Variants in ZMIZ1 observed in about 807,000 individuals in gnomAD.
ZMIZ1 encodes zinc finger MIZ domain-containing protein 1.
Under a neutral mutation model 113.9 loss-of-function variants are expected in ZMIZ1, and 17 were observed. The observed-to-expected ratio is 0.15, with a 90% CI of 0.10 to 0.22. The LOEUF is 0.22. ZMIZ1 is among the 10% of genes least tolerant of loss of function. ZMIZ1 has a pLI of 1.00. For missense variants in ZMIZ1, 1,059 were observed against 1,477.8 expected (o/e 0.72, Z 4.65); for synonymous variants, 607 against 603.1 (o/e 1.01, Z -0.09).
At chr10:79,085,646 A>G (rs563202752) in intron 1 of ZMIZ1, among the ~76,000 whole-genome samples, 10 of 152,368 alleles carry the variant, frequency 6.6e-5, no homozygotes, top group Admixed American at 2.6e-4. Flanking sequence ...CCAGAGCCCA[A>G]TAAACACGCT....
At chr10:79,305,471 G>A in intron 20 of ZMIZ1, 62 bp from the exon 21 acceptor site, 1 of 1,572,318 alleles carries the variant, frequency 6.4e-7, no homozygotes, top group Non-Finnish European at 8.8e-7. Flanking sequence ...GAGGTGGATG[G>A]GCTTTGCCCC....
At chr10:79,074,469 A>G (rs1842404561) in intron 1 of ZMIZ1, among the ~76,000 whole-genome samples, 1 of 152,226 alleles carries the variant, frequency 6.6e-6, no homozygotes, top group Non-Finnish European at 1.5e-5. Flanking sequence ...AGTGTCTTAC[A>G]GCCAGAGCTT....
At chr10:79,150,201 C>G (rs910845105) in intron 3 of ZMIZ1, among the ~76,000 whole-genome samples, 3 of 152,184 alleles carry the variant, frequency 2.0e-5, no homozygotes, top group African/African-American at 4.8e-5. Flanking sequence ...TAGGCCTCGG[C>G]GAGTGGCCAC....
chr10:79,264,493 C>G (rs1424672109), intron 7 of ZMIZ1, among the ~76,000 whole-genome samples: 1 of 152,218 alleles, frequency 6.6e-6, no homozygotes, highest in Non-Finnish European at 1.5e-5. Flanking sequence ...GCTATTAGTG[C>G]TACCTAATTT....
At chr10:79,241,981 G>T (rs947202027) in intron 7 of ZMIZ1, among the ~76,000 whole-genome samples, 1 of 152,164 alleles carries the variant, frequency 6.6e-6, no homozygotes, top group African/African-American at 2.4e-5. Context: ...CTTCCTAAGT[G>T]TTTGGGGCAG....
At chr10:79,309,748 A>G (rs1854989822) in intron 23 of ZMIZ1, among the ~76,000 whole-genome samples, 1 of 152,182 alleles carries the variant, frequency 6.6e-6, no homozygotes, top group African/African-American at 2.4e-5. Flanking sequence ...ACACAGGAAG[A>G]ACATGTCAGT....
intron 7 of ZMIZ1, among the ~76,000 whole-genome samples, chr10:79,264,632 G>T (rs761259672): frequency 3.9e-5 from 6 of 152,214 alleles, no homozygotes; most frequent in Non-Finnish European, 8.8e-5. Flanking sequence ...CTGAGGCACA[G>T]TATCTAGTTT....
At chr10:79,311,587 T>C (rs1855170684) in intron 24 of ZMIZ1, among the ~76,000 whole-genome samples, 1 of 152,118 alleles carries the variant, frequency 6.6e-6, no homozygotes, top group South Asian at 2.1e-4. Flanking sequence ...CTCGCTGGTG[T>C]GTGTCTGTCT....
At chr10:79,156,003 G>A (rs1845891438) in intron 3 of ZMIZ1, among the ~76,000 whole-genome samples, 1 of 152,226 alleles carries the variant, frequency 6.6e-6, no homozygotes, top group Non-Finnish European at 1.5e-5. Flanking sequence ...GTGTCACACA[G>A]TGTGTGAGCA....
intron 7 of ZMIZ1, among the ~76,000 whole-genome samples, chr10:79,224,417 G>A (rs947568350): frequency 2.0e-5 from 3 of 152,124 alleles, no homozygotes; most frequent in African/African-American, 4.8e-5. Context: ...TTTTCCTAGC[G>A]CAGCCCTCTC....
intron 7 of ZMIZ1, among the ~76,000 whole-genome samples, chr10:79,253,679 C>T (rs1589495946): frequency 1.3e-5 from 2 of 152,204 alleles, no homozygotes; most frequent in East Asian, 3.8e-4. Flanking sequence ...TGGCAAGGTC[C>T]TGTATCCACT....
At chr10:79,235,214 C>G (rs1467488602) in intron 7 of ZMIZ1, among the ~76,000 whole-genome samples, 1 of 152,188 alleles carries the variant, frequency 6.6e-6, no homozygotes, top group Non-Finnish European at 1.5e-5. Flanking sequence ...GCCGCTGGCT[C>G]CCCTCATCTG....
At chr10:79,257,460 C>G (rs1333002318) in intron 7 of ZMIZ1, among the ~76,000 whole-genome samples, 1 of 152,232 alleles carries the variant, frequency 6.6e-6, no homozygotes, top group African/African-American at 2.4e-5. Flanking sequence ...GTTGGCTGCC[C>G]CAGCTCTACC....
intron 7 of ZMIZ1, among the ~76,000 whole-genome samples, chr10:79,241,626 G>A (rs1849835747): frequency 6.6e-6 from 1 of 152,160 alleles, no homozygotes; most frequent in South Asian, 2.1e-4. Context: ...GAAAGCCCAT[G>A]ACAACTGCAT....
At chr10:79,183,147 C>G (rs1178958120) in intron 4 of ZMIZ1, among the ~76,000 whole-genome samples, 1 of 152,254 alleles carries the variant, frequency 6.6e-6, no homozygotes, top group Non-Finnish European at 1.5e-5. Flanking sequence ...ACCCTTGGCC[C>G]CTTTCAGGCC....
At chr10:79,270,375 G>A (rs1465768875) in intron 7 of ZMIZ1, among the ~76,000 whole-genome samples, 4 of 152,174 alleles carry the variant, frequency 2.6e-5, no homozygotes, top group Non-Finnish European at 5.9e-5. Flanking sequence ...GTGACCACAG[G>A]GTCACTGGCT....
intron 7 of ZMIZ1, among the ~76,000 whole-genome samples, chr10:79,276,646 G>A (rs1003602604): frequency 1.5e-4 from 23 of 152,152 alleles, no homozygotes; most frequent in African/African-American, 5.3e-4. Context: ...TTCAGGGACA[G>A]CCCTGCAGAC....
At chr10:79,305,457 CACTG>C in intron 20 of ZMIZ1, 72 bp from the exon 21 acceptor site, 2 of 1,521,886 alleles carry the variant, frequency 1.3e-6, no homozygotes, top group South Asian at 2.2e-5. Flanking sequence ...ACCCCACTGA[CACTG>C]AGGTGGATGG....
intron 1 of ZMIZ1, among the ~76,000 whole-genome samples, chr10:79,072,231 G>T (rs1842312398): frequency 2.0e-5 from 3 of 152,210 alleles, no homozygotes; most frequent in Non-Finnish European, 4.4e-5. Flanking sequence ...TCCAGAGACT[G>T]CGGGGTTTGG....
Sources: allele counts gnomAD v4.1 joint callset (sites outside exome capture counted in the v4.1 genomes callset), GRCh38; gene constraint gnomAD v4.1.1; transcripts MANE v1.5; gene names NCBI Gene and HGNC (gene_info 2026-07-23, HGNC 2026-07-21).